KHDRBS3: variants seen among roughly 807,000 people sequenced by gnomAD.
KHDRBS3 encodes KH RNA binding domain containing, signal transduction associated 3, also known as KH domain-containing, RNA-binding, signal transduction-associated protein 3.
In KHDRBS3, 23 loss-of-function variants were observed where a neutral mutation model predicts 45.6. The observed-to-expected ratio is 0.50, with a 90% CI of 0.36 to 0.72. The LOEUF is 0.72. Ranked by LOEUF, KHDRBS3 falls within the 30% of genes least tolerant of loss-of-function variation. KHDRBS3 has a pLI of 0.00. For synonymous variants in KHDRBS3, 162 were observed against 156.5 expected (o/e 1.04, Z -0.26); for missense variants, 352 against 424.8 (o/e 0.83, Z 1.51).
intron 1 of KHDRBS3, among the ~76,000 whole-genome samples, chr8:135,516,704 C>T (rs1263609727): frequency 6.6e-6 from 1 of 151,996 alleles, no homozygotes; most frequent in African/African-American, 2.4e-5. Context: ...CTCTAGCCTA[C>T]TTACCCAGCT....
At position 135,536,996 on chromosome 8, in the gene KHDRBS3, AAGG is replaced by A. The variant is rs1239771040; in HGVS notation, c.208-5655_208-5653del. On this transcript the variant is annotated intron_variant, in intron 2 of 8. Coordinates refer to ENST00000355849, the MANE Select transcript of KHDRBS3 (RefSeq NM_006558.3). ...AAAAAAAAAAAAAAAAAAAAAAAAA[AAGG>A]AGATGTTTAGGAGGTAAAATCATTA... Among the ~76,000 whole-genome samples the A allele has an allele frequency of 4.0e-4, 8 of 19,976 alleles. 1 individual carries two copies. Among genetic ancestry groups the A allele is most frequent in the East Asian group, 5.2e-3 (1 of 194 alleles). 13.1% of individuals were successfully genotyped at this position (19,976 alleles called of 152,430 possible).
chr8:135,492,725 G>T lies in KHDRBS3; in HGVS notation c.89-28512G>T, dbSNP rs1355270845. 2.6e-5 allele frequency among the ~76,000 whole-genome samples: 4 copies of T among 151,942 alleles called. No homozygotes were observed. In the East Asian group the frequency reaches 5.8e-4, roughly 22 times the overall value. ...CATCTTAGTAAGTTCTTGAAATCAAGTAGTGCAAGTTCTTCAACTTTGTTT... is the reference window on the plus strand; with the variant it reads ...CATCTTAGTAAGTTCTTGAAATCAATTAGTGCAAGTTCTTCAACTTTGTTT... On this transcript the variant is annotated intron_variant, in intron 1 of 8. Transcript: ENST00000355849.
intron 5 of KHDRBS3, among the ~76,000 whole-genome samples, chr8:135,558,988 G>A (rs996412951): frequency 2.6e-5 from 4 of 151,968 alleles, no homozygotes; most frequent in Non-Finnish European, 4.4e-5. Context: ...TAACCTCTCC[G>A]TCCTCACACT....
At chr8:135,491,602 A>G (rs1823154120) in intron 1 of KHDRBS3, among the ~76,000 whole-genome samples, 1 of 152,084 alleles carries the variant, frequency 6.6e-6, no homozygotes, top group Non-Finnish European at 1.5e-5. Flanking sequence ...GAGCCCCAGG[A>G]GAGAAGAAGG....
rs1373312594 is a variant in KHDRBS3, at chr8:135,621,699, G to A, written c.890+14662G>A. On this transcript the variant is annotated intron_variant, in intron 7 of 8. Coordinates refer to ENST00000355849, the MANE Select transcript of KHDRBS3 (RefSeq NM_006558.3). The stretch of plus-strand genomic sequence containing the variant: ...ACCAGAAGGAAGTTTTTGTGCAGAA[G>A]AGCACAAAAAAAAAAAAAACGTGCA... Among the ~76,000 whole-genome samples, 39 of 80,512 alleles carry A rather than the reference G, an allele frequency of 4.8e-4. No individual in the cohort carries two copies. The South Asian group carries it at 0.019, about 39-fold the overall frequency. The allele number at this position is 80,512 out of a possible 152,430, so 52.8% of individuals were successfully genotyped here.
chr8:135,620,341 A>G (rs115159833), intron 7 of KHDRBS3, among the ~76,000 whole-genome samples: 1,774 of 152,136 alleles, frequency 0.012, 30 homozygotes, highest in African/African-American at 0.038. Flanking sequence ...GTTCAAAGCG[A>G]TCTGTCCGCC....
intron 5 of KHDRBS3, among the ~76,000 whole-genome samples, chr8:135,576,815 A>G (rs1329695948): frequency 6.6e-6 from 1 of 152,218 alleles, no homozygotes; most frequent in Non-Finnish European, 1.5e-5. Flanking sequence ...ATGTGTATGT[A>G]CTAACCTATG....
At chr8:135,604,831 T>G (rs904885350) in intron 6 of KHDRBS3, among the ~76,000 whole-genome samples, 1 of 151,688 alleles carries the variant, frequency 6.6e-6, no homozygotes, top group Non-Finnish European at 1.5e-5. Context: ...GTGTTCTTTG[T>G]TTTTTTTAAT....
chr8:135,625,923 A>C, intron 7 of KHDRBS3: 3 of 792,130 alleles, frequency 3.8e-6, no homozygotes, highest in Non-Finnish European at 4.6e-6. Flanking sequence ...CCAGGCCAGC[A>C]TGTCATGTCG....
intron 4 of KHDRBS3, 95 bp downstream of exon 4, chr8:135,548,995 C>A: frequency 1.2e-6 from 1 of 822,076 alleles, no homozygotes; most frequent in Non-Finnish European, 1.8e-6. Context: ...TGCATAGCTC[C>A]TTTTCTGCTG....
intron 7 of KHDRBS3, among the ~76,000 whole-genome samples, chr8:135,637,058 T>C (rs575604257): frequency 2.0e-5 from 3 of 152,330 alleles, no homozygotes; most frequent in Non-Finnish European, 2.9e-5. Flanking sequence ...GGACTTTGGC[T>C]GTAACTCTTT....
chr8:135,624,212 G>T (rs1830264923), intron 7 of KHDRBS3, among the ~76,000 whole-genome samples: 1 of 152,126 alleles, frequency 6.6e-6, no homozygotes, highest in Admixed American at 6.5e-5. Context: ...ATTGCAGCAT[G>T]GTCACCTGCC....
intron 7 of KHDRBS3, among the ~76,000 whole-genome samples, chr8:135,609,022 G>A (rs1829592033): frequency 6.6e-6 from 1 of 152,202 alleles, no homozygotes; most frequent in Non-Finnish European, 1.5e-5. Flanking sequence ...AGTGGTGAGT[G>A]AATGTGAAGG....
intron 1 of KHDRBS3, among the ~76,000 whole-genome samples, chr8:135,491,922 G>A (rs1486609843): frequency 7.1e-6 from 1 of 140,652 alleles, no homozygotes; most frequent in Non-Finnish European, 1.5e-5. Context: ...TCACTGCCTG[G>A]TGCCAACTTC....
At chr8:135,607,942 TA>T (rs1383382886) in intron 7 of KHDRBS3, among the ~76,000 whole-genome samples, 2 of 152,210 alleles carry the variant, frequency 1.3e-5, no homozygotes, top group South Asian at 2.1e-4. Flanking sequence ...TATTCTTCTA[TA>T]ACTTGTAAGT....
intron 1 of KHDRBS3, among the ~76,000 whole-genome samples, chr8:135,495,287 G>C (rs1035728389): frequency 6.6e-6 from 1 of 152,116 alleles, no homozygotes; most frequent in African/African-American, 2.4e-5. Context: ...TTTTGTGACC[G>C]TAACTCTCTG....
chr8:135,492,255 A>G (rs1427513348), intron 1 of KHDRBS3, among the ~76,000 whole-genome samples: 4 of 152,098 alleles, frequency 2.6e-5, no homozygotes, highest in African/African-American at 9.7e-5. Context: ...CGTGGATTGT[A>G]GTACTTAGCT....
chr8:135,514,932 T>C (rs1266832648), intron 1 of KHDRBS3, among the ~76,000 whole-genome samples: 4 of 152,158 alleles, frequency 2.6e-5, no homozygotes, highest in Non-Finnish European at 5.9e-5. Context: ...AAAGTAATAA[T>C]TATAATTTAA....
At chr8:135,648,216 AT>A (rs1272393925), downstream of KHDRBS3, 3 of 152,332 alleles carry the variant, frequency 2.0e-5, no homozygotes, top group East Asian at 5.8e-4. Flanking sequence ...TTCATTATCC[AT>A]TTTAGAAAAG....
Sources: allele counts gnomAD v4.1 joint callset (sites outside exome capture counted in the v4.1 genomes callset), GRCh38; gene constraint gnomAD v4.1.1; transcripts MANE v1.5; gene names NCBI Gene and HGNC (gene_info 2026-07-23, HGNC 2026-07-21).